Variants in RBFOX1 observed in about 807,000 individuals in gnomAD.
RBFOX1 encodes RNA binding protein fox-1 homolog 1.
Under a neutral mutation model 57.7 loss-of-function variants are expected in RBFOX1, and 8 were observed. That is an observed-to-expected ratio of 0.14 (90% CI 0.08 to 0.25). RBFOX1 has a LOEUF of 0.25. Ranked by LOEUF, RBFOX1 falls within the 10% of genes least tolerant of loss-of-function variation. RBFOX1 has a pLI of 1.00. For missense variants in RBFOX1, 611 were observed against 548.5 expected, an observed-to-expected ratio of 1.11 and a Z score of -1.14; for synonymous variants, 326 against 222.4, an observed-to-expected ratio of 1.47 and a Z score of -4.15.
At chr16:6,587,076 T>G (rs2160176) in intron 2 of RBFOX1, among the ~76,000 whole-genome samples, 75,547 of 151,810 alleles carry the variant, frequency 0.5, 19,624 homozygotes, top group East Asian at 0.67. Flanking sequence ...TAGTATACAG[T>G]ACCTAATTAT....
intron 1 of RBFOX1, among the ~76,000 whole-genome samples, chr16:6,034,350 A>AAAAAG (rs2095334440): frequency 7.0e-6 from 1 of 142,226 alleles, no homozygotes; most frequent in Non-Finnish European, 1.5e-5. Flanking sequence ...AAAAAAAAAA[A>AAAAAG]AAAAAAAGAA....
intron 3 of RBFOX1, among the ~76,000 whole-genome samples, chr16:6,857,953 A>G (rs2058209328): frequency 6.6e-6 from 1 of 152,176 alleles, no homozygotes; most frequent in South Asian, 2.1e-4. Context: ...TCAAGACAAT[A>G]CTGGTTTTTC....
chr16:6,360,087 C>T (rs1432224072), intron 2 of RBFOX1, among the ~76,000 whole-genome samples: 9 of 152,080 alleles, frequency 5.9e-5, no homozygotes, highest in African/African-American at 1.2e-4. Context: ...CATTCAATTT[C>T]GTTCATTTCC....
rs199503873 is a variant in RBFOX1 at position 6,987,456 on chromosome 16, GACACACAC to G, written c.-15-64559_-15-64552del. Reference sequence around the variant, plus strand: ...CAGGACAGCAACAGAAAACTTTTCAGACACACACACACACACACACACACACACACACA... The same window carrying G: ...CAGGACAGCAACAGAAAACTTTTCAGACACACACACACACACACACACACA... On this transcript the variant is annotated intron_variant, in intron 3 of 15. Transcript: ENST00000550418. 8.5e-3 allele frequency among the ~76,000 whole-genome samples: 1,153 copies of G among 135,504 alleles called. 7 individuals carry two copies. The highest frequency in any genetic ancestry group is 0.015 in the African/African-American group (575 of 37,636). 88.9% of individuals were successfully genotyped at this position (135,504 alleles called of 152,430 possible).
chr16:6,590,085 C>G (rs113072134), intron 2 of RBFOX1, among the ~76,000 whole-genome samples: 3 of 152,308 alleles, frequency 2.0e-5, no homozygotes, highest in Admixed American at 6.5e-5. Flanking sequence ...ACAGTGACAA[C>G]TGAGAGAAGA....
At chr16:6,566,955 G>C (rs1001600382) in intron 2 of RBFOX1, among the ~76,000 whole-genome samples, 1 of 152,164 alleles carries the variant, frequency 6.6e-6, no homozygotes, top group African/African-American at 2.4e-5. Context: ...TGAATTTACA[G>C]ACTCTAAGTT....
chr16:5,326,375 T>A (rs998069515), intron 1 of RBFOX1, among the ~76,000 whole-genome samples: 1 of 152,140 alleles, frequency 6.6e-6, no homozygotes, highest in Non-Finnish European at 1.5e-5. Context: ...AATAATAAAA[T>A]ACATGTCCAA....
chr16:6,355,615 A>G (rs1023044466), intron 2 of RBFOX1, among the ~76,000 whole-genome samples: 3 of 152,184 alleles, frequency 2.0e-5, no homozygotes, highest in African/African-American at 7.2e-5. Context: ...ATGCCTTTAT[A>G]GTAGAATGAT....
intron 3 of RBFOX1, among the ~76,000 whole-genome samples, chr16:6,735,165 A>G (rs2069808517): frequency 7.3e-6 from 1 of 137,434 alleles, no homozygotes; most frequent in Admixed American, 7.0e-5. Flanking sequence ...AACAACAACA[A>G]CATCAACAAC....
At chr16:7,237,826 T>G (rs1046703724) in intron 4 of RBFOX1, among the ~76,000 whole-genome samples, 2 of 152,076 alleles carry the variant, frequency 1.3e-5, no homozygotes, top group African/African-American at 4.8e-5. Flanking sequence ...GCCAACGTGG[T>G]GAAAACTCAA....
intron 3 of RBFOX1, among the ~76,000 whole-genome samples, chr16:6,873,073 C>G (rs1442606216): frequency 1.3e-5 from 2 of 151,224 alleles, no homozygotes; most frequent in African/African-American, 4.9e-5. Flanking sequence ...GCCACCCAAA[C>G]TTCTGAAATA....
chr16:6,061,772 C>T (rs1444831587), intron 1 of RBFOX1, among the ~76,000 whole-genome samples: 1 of 152,088 alleles, frequency 6.6e-6, no homozygotes, highest in East Asian at 1.9e-4. Flanking sequence ...CTTCTGTGAC[C>T]AGATGTGCAG....
chr16:7,709,164 TC>T, intron 15 of RBFOX1, 33 bp downstream of exon 15: 1 of 1,561,862 alleles, frequency 6.4e-7, no homozygotes, highest in Non-Finnish European at 8.8e-7. Context: ...CCTCACTTCC[TC>T]CTGCCTCCCT....
chr16:7,111,589 A>G (rs917699706), intron 4 of RBFOX1, among the ~76,000 whole-genome samples: 1 of 152,180 alleles, frequency 6.6e-6, no homozygotes, highest in Admixed American at 6.6e-5. Context: ...TTTAAACCAG[A>G]TAAAGCAGTG....
At chr16:6,032,646 G>T (rs1365703852) in intron 1 of RBFOX1, among the ~76,000 whole-genome samples, 3 of 152,150 alleles carry the variant, frequency 2.0e-5, no homozygotes, top group Non-Finnish European at 4.4e-5. Context: ...GCAGATGTCA[G>T]TGTGCCCTTG....
At chr16:5,485,258 A>G (rs1293567288) in intron 2 of RBFOX1, among the ~76,000 whole-genome samples, 1 of 144,092 alleles carries the variant, frequency 6.9e-6, no homozygotes, top group Non-Finnish European at 1.5e-5. Context: ...AGGCAGGAGA[A>G]TGGCGTGAAC....
At chr16:5,503,185 C>G (rs2043258813) in intron 2 of RBFOX1, among the ~76,000 whole-genome samples, 4 of 152,188 alleles carry the variant, frequency 2.6e-5, no homozygotes, top group Non-Finnish European at 4.4e-5. Context: ...ATTAACATCT[C>G]TGTGCCACAG....
chr16:5,861,972 C>T (rs934209426), intron 3 of RBFOX1, among the ~76,000 whole-genome samples: 1 of 152,156 alleles, frequency 6.6e-6, no homozygotes, highest in Non-Finnish European at 1.5e-5. Flanking sequence ...TAAAGTTTTA[C>T]ACAGAGTTGG....
chr16:5,702,983 C>T (rs112137955), intron 3 of RBFOX1, among the ~76,000 whole-genome samples: 1 of 152,168 alleles, frequency 6.6e-6, no homozygotes, highest in Non-Finnish European at 1.5e-5. Context: ...TCATGTACAT[C>T]ATGATGTCTC....
Sources: gnomAD v4.1 joint callset for allele counts (sites outside exome capture counted in the v4.1 genomes callset) on GRCh38, gnomAD v4.1.1 for gene constraint, MANE v1.5 for transcripts, NCBI Gene and HGNC (gene_info 2026-07-23, HGNC 2026-07-21) for gene names.